ABCA13: variants seen among roughly 807,000 people sequenced by gnomAD.
ABCA13 encodes the protein ATP binding cassette subfamily A member 13.
ABCA13 carries 476 observed loss-of-function variants against 478.7 expected under a neutral mutation model. The observed-to-expected ratio is 0.99, with a 90% CI of 0.92 to 1.07. The LOEUF (loss-of-function observed/expected upper bound fraction) is 1.07. Among genes scored for constraint, ABCA13 ranks in the 50% least tolerant of loss-of-function variants. The pLI is 0.00. For synonymous variants in ABCA13, 2,252 were observed against 2,158.9 expected (o/e 1.04, Z -1.20); for missense variants, 6,060 against 5,910.6 (o/e 1.03, Z -0.83).
chr7:48,598,442 C>G (rs1790524397), intron 58 of ABCA13, among the ~76,000 whole-genome samples: 2 of 152,096 alleles, frequency 1.3e-5, no homozygotes, highest in South Asian at 4.1e-4. Flanking sequence ...TGGGTAAATA[C>G]CAAGGAATGT....
intron 1 of ABCA13, among the ~76,000 whole-genome samples, chr7:48,174,565 C>G (rs1422451775): frequency 6.6e-6 from 1 of 152,006 alleles, no homozygotes; most frequent in Non-Finnish European, 1.5e-5. Flanking sequence ...TGTTAAAATT[C>G]TACTATTCTT....
At chr7:48,411,552 C>T (rs1030689572) in intron 40 of ABCA13, among the ~76,000 whole-genome samples, 1 of 152,132 alleles carries the variant, frequency 6.6e-6, no homozygotes, top group African/African-American at 2.4e-5. Flanking sequence ...AGGTGATCCA[C>T]CAACCTCGGC....
At chr7:48,428,045 T>C (rs763628139) in intron 42 of ABCA13, among the ~76,000 whole-genome samples, 174 bp downstream of exon 42, 26 of 148,102 alleles carry the variant, frequency 1.8e-4, no homozygotes, top group Non-Finnish European at 3.6e-4. Context: ...CGTTGAGTTT[T>C]ATCCTGGCTT....
At position 48,275,731 on chromosome 7, in the gene ABCA13, T is replaced by C. The variant is rs1374125976; in HGVS notation, c.6065T>C (p.Leu2022Pro). The C allele has an allele frequency of 6.2e-7, 1 of 1,606,198 alleles. No individual in the cohort carries two copies. The highest frequency in any genetic ancestry group is 8.5e-7 in the Non-Finnish European group (1 of 1,175,554). ...DWSLEKSTHNLLSLFMMLQNA... is the reference protein window; with the variant it reads ...DWSLEKSTHNPLSLFMMLQNA... ...AGCCTAGAAAAAAGTACGCATAATC[T>C]ACTCTCTTTATTCATGATGCTCCAG... Residue 2022 changes from leucine (L) to proline (P), a missense_variant, in exon 17 of 62, where the codon CTA becomes CCA. This residue lies in a region of ABCA13 where 4,423 missense variants were observed against 4,309.1 expected (regional missense o/e 1.03). Transcript: ENST00000435803.
chr7:48,637,445 A>ACTTTAGCT (rs1794764680), intron 59 of ABCA13, among the ~76,000 whole-genome samples: 1 of 150,934 alleles, frequency 6.6e-6, no homozygotes, highest in Admixed American at 6.6e-5. Context: ...GACAATGACT[A>ACTTTAGCT]CTTTAGCTCT....
chr7:48,178,662 A>G (rs1795216617), intron 1 of ABCA13, among the ~76,000 whole-genome samples: 1 of 151,860 alleles, frequency 6.6e-6, no homozygotes, highest in Non-Finnish European at 1.5e-5. Context: ...GTGAAGAGCG[A>G]GACTCTATCT....
At position 48,273,046 on chromosome 7, in the gene ABCA13, T is replaced by G. The variant is rs1795834565; in HGVS notation, c.3380T>G (p.Ile1127Ser). Residue 1127 changes from isoleucine (I) to serine (S), a missense_variant, in exon 17 of 62, where the codon ATT (isoleucine) becomes AGT (serine). By Grantham distance (142) the Ile-to-Ser change is moderately radical. Coordinates refer to ENST00000435803, the MANE Select transcript of ABCA13 (RefSeq NM_152701.5). ...ESSFVFPLAQ[I>S]FSNLSANVSV... is the part of the protein sequence containing the mutation. ...TCATTTGTTTTTCCATTGGCACAAATTTTTTCAAACCTCTCAGCAAATGTC... is the reference window on the plus strand; with the variant it reads ...TCATTTGTTTTTCCATTGGCACAAAGTTTTTCAAACCTCTCAGCAAATGTC... 6.2e-7 allele frequency: 1 copy of G among 1,613,668 alleles called. No homozygotes were observed. The highest frequency in any genetic ancestry group is 1.7e-5 in the Admixed American group (1 of 59,988).
At chr7:48,266,580 G>T (rs560219948) in intron 15 of ABCA13, among the ~76,000 whole-genome samples, 3 of 151,720 alleles carry the variant, frequency 2.0e-5, no homozygotes, top group African/African-American at 7.2e-5. Flanking sequence ...TTCATAACTT[G>T]TGCCATTTTT....
At chr7:48,609,562 C>T (rs1000091147) in intron 58 of ABCA13, among the ~76,000 whole-genome samples, 9 of 152,118 alleles carry the variant, frequency 5.9e-5, no homozygotes, top group Admixed American at 1.3e-4. Context: ...AAGAACCTTG[C>T]GTACTACTTT....
intron 40 of ABCA13, among the ~76,000 whole-genome samples, chr7:48,411,037 TTC>T (rs1229785835): frequency 9.4e-4 from 109 of 116,454 alleles, no homozygotes; most frequent in African/African-American, 2.4e-3. Flanking sequence ...CTTTCTTTCT[TTC>T]TTTCTTTCTT....
intron 23 of ABCA13, 47 bp from the exon 24 acceptor site, chr7:48,309,900 A>T (rs761406915): frequency 6.2e-7 from 1 of 1,603,132 alleles, no homozygotes; most frequent in Non-Finnish European, 8.5e-7. Flanking sequence ...GGTGAAGCAC[A>T]TGACGTCATA....
chr7:48,597,318 G>C (rs147736034), intron 58 of ABCA13, among the ~76,000 whole-genome samples: 272 of 152,228 alleles, frequency 1.8e-3, no homozygotes, highest in African/African-American at 6.1e-3. Flanking sequence ...CATTCCAAAC[G>C]GTATCCCATT....
intron 42 of ABCA13, among the ~76,000 whole-genome samples, chr7:48,447,353 T>A (rs1434720412): frequency 6.6e-6 from 1 of 152,190 alleles, no homozygotes; most frequent in East Asian, 1.9e-4. Context: ...TTCAATTCCA[T>A]CTTCCTCCCT....
intron 55 of ABCA13, among the ~76,000 whole-genome samples, chr7:48,553,774 G>T (rs1785533325): frequency 6.6e-6 from 1 of 151,950 alleles, no homozygotes; most frequent in Non-Finnish European, 1.5e-5. Flanking sequence ...TCTTCACTTT[G>T]TTGGTTATTT....
chr7:48,556,879 C>T lies in ABCA13; in HGVS notation c.14355-23345C>T, dbSNP rs547290052. On this transcript the variant is annotated intron_variant, in intron 55 of 61. Coordinates refer to ENST00000435803, the MANE Select transcript of ABCA13 (RefSeq NM_152701.5). Reference sequence around the variant, plus strand: ...TTTGTTTTGGCATCTTCTCATCTTTCTTTTATTCCTTTATTGAAGATGATT... The same window carrying T: ...TTTGTTTTGGCATCTTCTCATCTTTTTTTTATTCCTTTATTGAAGATGATT... 2.0e-5 allele frequency among the ~76,000 whole-genome samples: 3 copies of T among 151,852 alleles called. No homozygotes were observed. The South Asian group carries it at 6.2e-4, about 32-fold the overall frequency.
At chr7:48,200,230 G>A (rs945019768) in intron 3 of ABCA13, among the ~76,000 whole-genome samples, 3 of 152,152 alleles carry the variant, frequency 2.0e-5, no homozygotes, top group African/African-American at 7.2e-5. Context: ...AGCTGGACAC[G>A]GTGGCAGATG....
intron 2 of ABCA13, among the ~76,000 whole-genome samples, chr7:48,193,600 A>G (rs1243915879): frequency 6.6e-6 from 1 of 151,838 alleles, no homozygotes; most frequent in African/African-American, 2.4e-5. Flanking sequence ...GATGATGATG[A>G]TGATGAAGAT....
At position 48,489,283 on chromosome 7, in the gene ABCA13, T is replaced by A; in HGVS notation, c.13230T>A (p.Asn4410Lys). The stretch of plus-strand genomic sequence containing the variant: ...TTCATTCCCTACCTTCCTACTTAAA[T>A]CATCTAAACAACCTTATTTTGTGGC... ...KGFHSLPSYL[N>K]HLNNLILWQH... Residue 4410 changes from asparagine to lysine, a missense_variant, in exon 48 of 62, where the codon AAT becomes AAA. This residue lies in a region of ABCA13 where 1,627 missense variants were observed against 1,571.0 expected (regional missense o/e 1.04). Coordinates refer to ENST00000435803, the MANE Select transcript of ABCA13 (RefSeq NM_152701.5). 6.2e-7 allele frequency: 1 copy of A among 1,613,092 alleles called. No individual in the cohort carries two copies. Among genetic ancestry groups the A allele is most frequent in the Non-Finnish European group, 8.5e-7 (1 of 1,179,340 alleles).
Position 48,528,282 on chromosome 7 carries a change from T to C in ABCA13, c.14291T>C (p.Phe4764Ser), listed in dbSNP as rs1833008877. Residue 4764 changes from phenylalanine to serine, a missense_variant, in exon 55 of 62, where the codon TTC becomes TCC. Around this residue, in one of 3 missense-constraint regions of ABCA13, gnomAD observed 1,627 missense variants for 1,571.0 expected, o/e 1.04. Coordinates refer to ENST00000435803, the MANE Select transcript of ABCA13 (RefSeq NM_152701.5). ...AATGGAGCTGGGAAGAGCACGACTT[T>C]CAAAATGCTGAATGGTGAAGTTTCT... ...GVNGAGKSTT[F>S]KMLNGEVSLT... 1 of 1,580,322 alleles carries C rather than the reference T, an allele frequency of 6.3e-7. No homozygotes were observed. Among genetic ancestry groups the C allele is most frequent in the East Asian group, 2.3e-5 (1 of 43,566 alleles).
Sources: allele counts gnomAD v4.1 joint callset (sites outside exome capture counted in the v4.1 genomes callset), GRCh38; gene constraint gnomAD v4.1.1; regional missense constraint gnomAD v4.1.1; transcripts MANE v1.5; gene names NCBI Gene and HGNC (gene_info 2026-07-23, HGNC 2026-07-21).